Variants in ELAPOR2 observed in about 807,000 individuals in gnomAD.
ELAPOR2 encodes the protein endosome/lysosome-associated apoptosis and autophagy regulator family member 2.
ELAPOR2 carries 89 observed loss-of-function variants against 120.7 expected under a neutral mutation model. The ratio of observed to expected loss-of-function variants is 0.74; its 90% CI spans 0.62 to 0.88. The LOEUF is 0.88. Among genes scored for constraint, ELAPOR2 ranks in the 40% least tolerant of loss-of-function variants. ELAPOR2 has a pLI of 0.00. For missense variants in ELAPOR2, 1,134 were observed against 1,251.6 expected (o/e 0.91, Z 1.42); for synonymous variants, 444 against 444.9 (o/e 1.00, Z 0.03).
In ELAPOR2 at chr7:86,889,861, G is replaced by GCTAT. The variant is rs200607347; in HGVS notation, c.3030+1859_3030+1862dup. On this transcript the variant is annotated intron_variant, in intron 21 of 21. Coordinates refer to ENST00000450689, the MANE Select transcript of ELAPOR2 (RefSeq NM_001142749.3). The stretch of plus-strand genomic sequence containing the variant: ...CCAGTGGAAAGGTCAACACAAGAAA[G>GCTAT]CTATCTAGCTTTCTAAGGTAAACCC... 1.7e-3 allele frequency among the ~76,000 whole-genome samples: 264 copies of GCTAT among 152,044 alleles called. 9 individuals carry two copies. In the East Asian group the frequency reaches 0.034, roughly 20 times the overall value.
At chr7:87,037,993 A>G (rs75499769) in intron 1 of ELAPOR2, among the ~76,000 whole-genome samples, 2,820 of 152,302 alleles carry the variant, frequency 0.019, 78 homozygotes, top group African/African-American at 0.064. Flanking sequence ...ACCCATCTGT[A>G]CTATCATCAT....
At chr7:86,914,492 CAG>C (rs1355637212) in intron 13 of ELAPOR2, among the ~76,000 whole-genome samples, 1 of 152,086 alleles carries the variant, frequency 6.6e-6, no homozygotes, top group Admixed American at 6.6e-5. Context: ...TGTATTTGTT[CAG>C]AGTGAAGAAC....
At chr7:86,982,396 A>T (rs1043070608) in intron 1 of ELAPOR2, among the ~76,000 whole-genome samples, 1 of 152,142 alleles carries the variant, frequency 6.6e-6, no homozygotes, top group East Asian at 1.9e-4. Flanking sequence ...TTACTGGGAG[A>T]TACCTCCCAG....
At chr7:86,937,986 C>T in intron 8 of ELAPOR2, 140 bp downstream of exon 8, 2 of 619,788 alleles carry the variant, frequency 3.2e-6, no homozygotes, top group South Asian at 4.3e-5. Flanking sequence ...AGGCAGACTT[C>T]AAACCCTAAA....
intron 1 of ELAPOR2, among the ~76,000 whole-genome samples, chr7:87,020,852 A>G (rs549930640): frequency 2.0e-5 from 3 of 152,284 alleles, no homozygotes; most frequent in African/African-American, 7.2e-5. Flanking sequence ...TTACCAAATC[A>G]TTTCAATCGC....
chr7:86,891,894 A>G lies in ELAPOR2; in HGVS notation c.2865-5T>C. On this transcript the variant is annotated splice_polypyrimidine_tract_variant and splice_region_variant and intron_variant, in intron 20 of 21. Coordinates refer to ENST00000450689, the MANE Select transcript of ELAPOR2 (RefSeq NM_001142749.3). ...TTGGAATATTTGTATTCCAGTCTAA[A>G]TAGTGATAAAATAAATAAACAAATA... 1 of 1,548,180 alleles carries G rather than the reference A, an allele frequency of 6.5e-7. No homozygotes were observed. Among genetic ancestry groups the G allele is most frequent in the East Asian group, 2.3e-5 (1 of 43,632 alleles).
intron 2 of ELAPOR2, among the ~76,000 whole-genome samples, chr7:86,957,638 T>C (rs1358702247): frequency 6.6e-6 from 1 of 152,234 alleles, no homozygotes; most frequent in African/African-American, 2.4e-5. Context: ...TATGAGGATA[T>C]AGCAACAAAC....
intron 2 of ELAPOR2, among the ~76,000 whole-genome samples, chr7:86,950,011 C>T (rs1791177924): frequency 6.6e-6 from 1 of 152,208 alleles, no homozygotes; most frequent in South Asian, 2.1e-4. Context: ...GCTTTTTCCC[C>T]CCAGACTGCC....
chr7:86,950,102 G>A (rs935616160), intron 2 of ELAPOR2, among the ~76,000 whole-genome samples: 2 of 152,148 alleles, frequency 1.3e-5, no homozygotes, highest in Admixed American at 6.5e-5. Context: ...CCCTGGACTC[G>A]GTTACCCACT....
rs768175254 is a variant in ELAPOR2 at position 86,925,545 on chromosome 7, T to A, written c.1382A>T (p.Lys461Met). The A allele has an allele frequency of 1.9e-6, 3 of 1,611,858 alleles. No individual in the cohort carries two copies. Among genetic ancestry groups the A allele is most frequent in the Non-Finnish European group, 2.5e-6 (3 of 1,178,482 alleles). ...GAACTTACCATTCATTCCATCGCAC[T>A]TTGAATTCCCAACATTGAAGCAGGA... ...KTSCFNVGNS[K>M]CDGMNGWEVA... Residue 461 changes from lysine to methionine, a missense_variant, in exon 10 of 22, where the codon AAG becomes ATG. Lys to Met is a moderately conservative substitution (Grantham distance 95). Transcript: ENST00000450689.
chr7:87,052,151 T>G (rs1448954135), intron 1 of ELAPOR2, among the ~76,000 whole-genome samples: 1 of 152,210 alleles, frequency 6.6e-6, no homozygotes, highest in South Asian at 2.1e-4. Flanking sequence ...ACTGTATTCC[T>G]GTGTCGGTCC....
At chr7:86,975,521 T>A (rs1467532175) in intron 1 of ELAPOR2, among the ~76,000 whole-genome samples, 2 of 152,234 alleles carry the variant, frequency 1.3e-5, no homozygotes, top group Non-Finnish European at 2.9e-5. Context: ...TAAAAGGTTT[T>A]CTTCTTAATC....
chr7:87,050,850 TGGATGTA>T (rs1795079693), intron 1 of ELAPOR2, among the ~76,000 whole-genome samples: 1 of 152,158 alleles, frequency 6.6e-6, no homozygotes, highest in African/African-American at 2.4e-5. Flanking sequence ...GCTGATAGGA[TGGATGTA>T]GGATGTAGGA....
intron 1 of ELAPOR2, among the ~76,000 whole-genome samples, chr7:87,052,372 T>C (rs1795134278): frequency 6.6e-6 from 1 of 152,198 alleles, no homozygotes. Context: ...ACTTATTCAC[T>C]ATCATGAGAA....
chr7:86,986,019 C>A (rs1583951698), intron 1 of ELAPOR2, among the ~76,000 whole-genome samples: 1 of 152,160 alleles, frequency 6.6e-6, no homozygotes, highest in African/African-American at 2.4e-5. Flanking sequence ...GATGCCTTCT[C>A]TCACCACTCC....
intron 1 of ELAPOR2, among the ~76,000 whole-genome samples, chr7:86,996,583 C>G (rs1793132802): frequency 6.6e-6 from 1 of 152,080 alleles, no homozygotes; most frequent in South Asian, 2.1e-4. Context: ...AAATGGGAAG[C>G]CATTAAAGAG....
chr7:87,041,408 G>T (rs577817323), intron 1 of ELAPOR2, among the ~76,000 whole-genome samples: 8 of 152,154 alleles, frequency 5.3e-5, no homozygotes, highest in Non-Finnish European at 8.8e-5. Context: ...GACTAACAGC[G>T]GATCTCTCGG....
chr7:86,897,997 A>G (rs1305848933), intron 18 of ELAPOR2, among the ~76,000 whole-genome samples: 1 of 152,096 alleles, frequency 6.6e-6, no homozygotes, highest in Non-Finnish European at 1.5e-5. Context: ...CTAGGTATAA[A>G]CCCAAGAGAA....
chr7:86,891,768 T>C lies in ELAPOR2; in HGVS notation c.2986A>G (p.Asn996Asp). 4 of 1,612,180 alleles carry C rather than the reference T, an allele frequency of 2.5e-6. No individual in the cohort carries two copies. The highest frequency in any genetic ancestry group is 3.4e-6 in the Non-Finnish European group (4 of 1,178,882). Residue 996 changes from asparagine to aspartate, a missense_variant, in exon 21 of 22, where the codon AAT becomes GAT. Asn to Asp is a conservative substitution (Grantham distance 23, BLOSUM62 1). Transcript: ENST00000450689. ...AGTTTTCCTAGTAGTGACTGTTTAT[T>C]GGAATATACAACTTCCTCTTCATTA... ...EDNEEEVVYSNKQSLLGKLKS... is the reference protein window; with the variant it reads ...EDNEEEVVYSDKQSLLGKLKS...
Sources: gnomAD v4.1 joint callset for allele counts (sites outside exome capture counted in the v4.1 genomes callset) on GRCh38, gnomAD v4.1.1 for gene constraint, MANE v1.5 for transcripts, NCBI Gene and HGNC (gene_info 2026-07-23, HGNC 2026-07-21) for gene names.